VPS13B: variants seen among roughly 807,000 people sequenced by gnomAD.
The protein encoded by VPS13B is vacuolar protein sorting 13 homolog B.
A neutral mutation model predicts 426.4 loss-of-function variants in VPS13B; 285 were observed. The ratio of observed to expected loss-of-function variants is 0.67; its 90% CI spans 0.61 to 0.74. The LOEUF is 0.74. VPS13B is among the 30% of genes least tolerant of loss of function. The pLI is 0.00. For missense variants in VPS13B, 4,537 were observed against 4,782.6 expected (o/e 0.95, Z 1.51); for synonymous variants, 1,676 against 1,676.4 (o/e 1.00, Z 0.01).
chr8:99,637,535 G>C (rs1351531908), intron 33 of VPS13B, among the ~76,000 whole-genome samples: 1 of 152,036 alleles, frequency 6.6e-6, no homozygotes, highest in African/African-American at 2.4e-5. Context: ...TCTGACTTCT[G>C]TTCAGTAACC....
At position 99,136,199 on chromosome 8, in the gene VPS13B, CT is replaced by C. The variant is rs548126797; in HGVS notation, c.1564-459del. Reference sequence around the variant, plus strand: ...GCAATAGGATAATTTACATTTTACTCTTTTTTTATCAAGATTTACTTCCATT... The same window carrying C: ...GCAATAGGATAATTTACATTTTACTCTTTTTTATCAAGATTTACTTCCATT... On this transcript the variant is annotated intron_variant, in intron 11 of 61. Coordinates refer to ENST00000357162, the MANE Select transcript of VPS13B (RefSeq NM_152564.5). Among the ~76,000 whole-genome samples, 499 of 151,950 alleles carry C rather than the reference CT, an allele frequency of 3.3e-3. 1 individual carries two copies. The highest frequency in any genetic ancestry group is 9.2e-3 in the African/African-American group (382 of 41,480).
intron 19 of VPS13B, among the ~76,000 whole-genome samples, chr8:99,377,908 G>T (rs1332997877): frequency 6.6e-6 from 1 of 152,204 alleles, no homozygotes; most frequent in Non-Finnish European, 1.5e-5. Context: ...CACAAGGTCA[G>T]GGTGAAACTA....
chr8:99,143,441 A>G (rs1360119356), intron 13 of VPS13B, among the ~76,000 whole-genome samples: 1 of 152,022 alleles, frequency 6.6e-6, no homozygotes. Context: ...GATACTTGTG[A>G]ATATGATTTT....
intron 35 of VPS13B, among the ~76,000 whole-genome samples, chr8:99,689,350 C>T (rs549831954): frequency 2.6e-5 from 4 of 152,302 alleles, no homozygotes; most frequent in Admixed American, 2.6e-4. Context: ...GAGCTCACAG[C>T]TCACTGAACT....
At position 99,115,681 on chromosome 8, in the gene VPS13B, T is replaced by C. The variant is rs749262509; in HGVS notation, c.763-19T>C. 1.9e-6 allele frequency: 3 copies of C among 1,611,496 alleles called. No individual in the cohort carries two copies. The highest frequency in any genetic ancestry group is 1.7e-6 in the Non-Finnish European group (2 of 1,178,712). ...TTTAAACATGCGTTTGTTGGTGTTA[T>C]GTCTTTTTCAAAATGCAGATTCATA... On this transcript the variant is annotated intron_variant, in intron 6 of 61. Transcript: ENST00000357162.
At chr8:99,064,390 A>T (rs1391484587) in intron 3 of VPS13B, among the ~76,000 whole-genome samples, 1 of 152,224 alleles carries the variant, frequency 6.6e-6, no homozygotes, top group East Asian at 1.9e-4. Flanking sequence ...TAACTAGAAT[A>T]AACAGTATAG....
chr8:99,142,339 C>T (rs544465693), intron 12 of VPS13B, among the ~76,000 whole-genome samples: 4 of 152,104 alleles, frequency 2.6e-5, no homozygotes, highest in Non-Finnish European at 5.9e-5. Context: ...CAAAAAACCT[C>T]TCATTTAAGA....
chr8:99,205,165 T>C (rs1814621206), intron 17 of VPS13B, among the ~76,000 whole-genome samples: 1 of 152,238 alleles, frequency 6.6e-6, no homozygotes, highest in African/African-American at 2.4e-5. Flanking sequence ...CATGGAATAC[T>C]ATGCAGCCAT....
intron 46 of VPS13B, 37 bp downstream of exon 46, chr8:99,818,571 C>G: frequency 6.2e-7 from 1 of 1,609,038 alleles, no homozygotes. Flanking sequence ...TGGTATATGA[C>G]TCTGACCTTT....
intron 2 of VPS13B, among the ~76,000 whole-genome samples, chr8:99,027,640 GTT>G (rs1480196303): frequency 3.3e-5 from 5 of 152,086 alleles, no homozygotes; most frequent in African/African-American, 1.2e-4. Flanking sequence ...TTGGCTCACA[GTT>G]TGTTTTCTTT....
At chr8:99,594,474 A>G (rs544741010) in intron 33 of VPS13B, among the ~76,000 whole-genome samples, 1 of 152,108 alleles carries the variant, frequency 6.6e-6, no homozygotes, top group East Asian at 1.9e-4. Flanking sequence ...CATCTCATCT[A>G]GAGATCGTTA....
intron 39 of VPS13B, among the ~76,000 whole-genome samples, chr8:99,757,062 G>C (rs1810675739): frequency 6.6e-6 from 1 of 152,128 alleles, no homozygotes; most frequent in African/African-American, 2.4e-5. Context: ...TATTCAAAGG[G>C]TAGTTTCTTC....
chr8:99,098,703 G>A (rs1846562134), intron 4 of VPS13B, among the ~76,000 whole-genome samples: 1 of 152,034 alleles, frequency 6.6e-6, no homozygotes, highest in Admixed American at 6.5e-5. Context: ...AAATTACTCT[G>A]TGGAAAGTTT....
At chr8:99,818,196 A>G (rs1451264787) in intron 45 of VPS13B, among the ~76,000 whole-genome samples, 1 of 152,006 alleles carries the variant, frequency 6.6e-6, no homozygotes, top group Admixed American at 6.6e-5. Context: ...ATTCTCTTTC[A>G]TTTTGCCACT....
At chr8:99,033,881 G>A (rs1842626348) in intron 2 of VPS13B, among the ~76,000 whole-genome samples, 1 of 151,868 alleles carries the variant, frequency 6.6e-6, no homozygotes, top group South Asian at 2.1e-4. Flanking sequence ...GGGTGACAGG[G>A]TGAGACTCCA....
At chr8:99,189,394 C>T (rs995407652) in intron 16 of VPS13B, among the ~76,000 whole-genome samples, 1 of 152,138 alleles carries the variant, frequency 6.6e-6, no homozygotes, top group African/African-American at 2.4e-5. Flanking sequence ...CTGCACATTC[C>T]TTTATCTATT....
chr8:99,055,033 G>GTTTTTTT (rs775826222), intron 3 of VPS13B, among the ~76,000 whole-genome samples: 7 of 109,352 alleles, frequency 6.4e-5, no homozygotes, highest in Non-Finnish European at 1.1e-4. Flanking sequence ...TTGTATTTCT[G>GTTTTTTT]TTTTTTTTTT....
intron 17 of VPS13B, among the ~76,000 whole-genome samples, chr8:99,258,143 A>G (rs1487853918): frequency 6.6e-6 from 1 of 151,812 alleles, no homozygotes; most frequent in Non-Finnish European, 1.5e-5. Flanking sequence ...TAACCAAATA[A>G]CATTATTATT....
At chr8:99,326,452 CTTTTTTTTTT>C (rs747097247) in intron 19 of VPS13B, among the ~76,000 whole-genome samples, 18 of 32,518 alleles carry the variant, frequency 5.5e-4, no homozygotes, top group South Asian at 5.1e-3. Context: ...CTCTAGGTAG[CTTTTTTTTTT>C]TTTTTTTTTT....
Sources: gnomAD v4.1 joint callset for allele counts (sites outside exome capture counted in the v4.1 genomes callset) on GRCh38, gnomAD v4.1.1 for gene constraint, MANE v1.5 for transcripts, NCBI Gene and HGNC (gene_info 2026-07-23, HGNC 2026-07-21) for gene names.